The following SEC24A variants were observed in gnomAD, a reference collection of about 807,000 sequenced individuals.
The protein encoded by SEC24A is SEC24 homolog A, COPII component, also known as protein transport protein Sec24A.
A neutral mutation model predicts 129.4 loss-of-function variants in SEC24A; 93 were observed. The observed-to-expected ratio is 0.72, with a 90% confidence interval of 0.61 to 0.85. SEC24A has a LOEUF of 0.85. SEC24A is among the 40% of genes least tolerant of loss of function. The pLI, the probability that SEC24A is intolerant of heterozygous loss-of-function variation, is 0.00. For synonymous variants in SEC24A, 460 were observed against 467.3 expected (o/e 0.98, Z 0.20); for missense variants, 1,264 against 1,307.4 (o/e 0.97, Z 0.51).
intron 12 of SEC24A, 121 bp downstream of exon 12, chr5:134,692,778 AT>A: frequency 1.3e-6 from 1 of 757,052 alleles, no homozygotes; most frequent in Non-Finnish European, 2.3e-6. Flanking sequence ...GTAGCATTTT[AT>A]ATTTGCTCTT....
At position 134,682,228 on chromosome 5, in the gene SEC24A, G is replaced by A. The variant is rs146779091; in HGVS notation, c.1382-145G>A. On this transcript the variant is annotated intron_variant, in intron 8 of 22. Coordinates refer to ENST00000398844, the MANE Select transcript of SEC24A (RefSeq NM_021982.3). ...ACTGCACTCCAGCCTGGGCAACAGA[G>A]TGAAACTCTGTCTCAAAAAAAAAAA... 9.8e-4 allele frequency: 464 copies of A among 472,668 alleles called. 1 individual carries two copies. Among genetic ancestry groups the A allele is most frequent in the African/African-American group, 8.5e-3 (420 of 49,694 alleles). 29.3% of individuals were successfully genotyped at this position (472,668 alleles called of 1,614,324 possible). A position where few individuals can be genotyped will look rare whatever the true frequency, so the allele number is the denominator to read the frequency against.
chr5:134,671,209 C>T (rs1750846594), intron 3 of SEC24A, among the ~76,000 whole-genome samples: 2 of 151,734 alleles, frequency 1.3e-5, no homozygotes, highest in Non-Finnish European at 2.9e-5. Context: ...CAGGCACGCG[C>T]CACCACACCC....
chr5:134,690,566 C>A (rs1468300850), intron 11 of SEC24A, among the ~76,000 whole-genome samples: 1 of 152,244 alleles, frequency 6.6e-6, no homozygotes, highest in Non-Finnish European at 1.5e-5. Flanking sequence ...CCTTTCGCCT[C>A]ATCCTCCCAA....
chr5:134,710,745 C>T (rs991975299), intron 18 of SEC24A, among the ~76,000 whole-genome samples: 1 of 152,118 alleles, frequency 6.6e-6, no homozygotes, highest in Non-Finnish European at 1.5e-5. Flanking sequence ...AGAAGGAAAA[C>T]TCTGGTCTGG....
At chr5:134,691,407 T>C (rs1002468216) in intron 11 of SEC24A, among the ~76,000 whole-genome samples, 3 of 148,452 alleles carry the variant, frequency 2.0e-5, no homozygotes, top group African/African-American at 5.0e-5. Flanking sequence ...GACCTCATGA[T>C]CCACCTGCCT....
At chr5:134,678,322 A>G (rs1014166763) in intron 7 of SEC24A, among the ~76,000 whole-genome samples, 2 of 152,198 alleles carry the variant, frequency 1.3e-5, no homozygotes, top group African/African-American at 4.8e-5. Context: ...TTAATGTAAC[A>G]TCAACAAACT....
At chr5:134,698,740 T>G (rs539091279) in intron 15 of SEC24A, among the ~76,000 whole-genome samples, 5 of 149,740 alleles carry the variant, frequency 3.3e-5, no homozygotes, top group African/African-American at 1.2e-4. Flanking sequence ...CAAGTGATTC[T>G]CCCTGCTTCA....
chr5:134,671,476 A>G (rs4958263), intron 3 of SEC24A, among the ~76,000 whole-genome samples: 114,098 of 152,098 alleles, frequency 0.75, 44,007 homozygotes, highest in Admixed American at 0.84. Context: ...ATATAATTTT[A>G]TAAACTTCAT....
intron 2 of SEC24A, among the ~76,000 whole-genome samples, chr5:134,666,018 G>T (rs549054392): frequency 6.6e-6 from 1 of 152,270 alleles, no homozygotes; most frequent in East Asian, 1.9e-4. Context: ...AGGTACAGTG[G>T]CTCACGCCTG....
At chr5:134,703,054 T>C (rs528557096) in intron 15 of SEC24A, among the ~76,000 whole-genome samples, 23 of 152,174 alleles carry the variant, frequency 1.5e-4, no homozygotes, top group African/African-American at 5.5e-4. Context: ...CATGAGCCAT[T>C]GTGCCTGGCC....
In SEC24A at chr5:134,705,070, T is replaced by TA. The variant is rs1561827960; in HGVS notation, c.2441-257_2441-256insA. On this transcript the variant is annotated intron_variant, in intron 16 of 22. Transcript: ENST00000398844. The stretch of plus-strand genomic sequence containing the variant: ...GAAAAGAAGTTATTTATATTTATAT[T>TA]TATATATATATATATATATATTTTT... 2.2e-3 allele frequency among the ~76,000 whole-genome samples: 296 copies of TA among 133,274 alleles called. 2 individuals are homozygous for TA. The highest frequency in any genetic ancestry group is 6.1e-3 in the Admixed American group (75 of 12,332). The allele number at this position is 133,274 out of a possible 152,430, so 87.4% of individuals were successfully genotyped here. A position where few individuals can be genotyped will look rare whatever the true frequency, so the allele number is the denominator to read the frequency against.
chr5:134,663,708 G>A (rs1176838109), intron 2 of SEC24A, among the ~76,000 whole-genome samples: 1 of 152,082 alleles, frequency 6.6e-6, no homozygotes, highest in African/African-American at 2.4e-5. Flanking sequence ...AAGAGTAGGT[G>A]TAGCTTCTCT....
chr5:134,669,688 A>C (rs928586531), intron 3 of SEC24A, among the ~76,000 whole-genome samples: 1 of 151,070 alleles, frequency 6.6e-6, no homozygotes, highest in Non-Finnish European at 1.5e-5. Context: ...TGTGTTAGCC[A>C]GGATGGTCTC....
chr5:134,712,546 G>A (rs754314995), intron 18 of SEC24A, among the ~76,000 whole-genome samples: 34 of 151,912 alleles, frequency 2.2e-4, no homozygotes, highest in Non-Finnish European at 3.5e-4. Context: ...CACCGTGCCC[G>A]GTCTCTAGTT....
rs1300121743 is a variant in SEC24A at position 134,727,597 on chromosome 5, C to G, written c.*2503C>G. 11 of 152,472 alleles carry G rather than the reference C, an allele frequency of 7.2e-5. No individual in the cohort carries two copies. In the East Asian group the frequency reaches 2.1e-3, roughly 29 times the overall value. 9.4% of individuals were successfully genotyped at this position (152,472 alleles called of 1,614,324 possible). On this transcript the variant is annotated 3_prime_UTR_variant, in exon 23 of 23. Coordinates refer to ENST00000398844, the MANE Select transcript of SEC24A (RefSeq NM_021982.3). ...TCTAGGGGACCACCAAATGTGATTT[C>G]AAAATTTTGTTAACTATTACAAATG...
At chr5:134,690,356 C>T (rs1751599046) in intron 11 of SEC24A, among the ~76,000 whole-genome samples, 1 of 152,122 alleles carries the variant, frequency 6.6e-6, no homozygotes. Context: ...TCTTGTTGCC[C>T]ATGTTGCAGT....
At chr5:134,652,087 A>G (rs1405357158) in intron 1 of SEC24A, among the ~76,000 whole-genome samples, 3 of 151,160 alleles carry the variant, frequency 2.0e-5, no homozygotes, top group Non-Finnish European at 2.9e-5. Context: ...ACACCCGGCT[A>G]ATTTTTGTAT....
At chr5:134,689,641 G>A (rs1751568436) in intron 11 of SEC24A, among the ~76,000 whole-genome samples, 1 of 151,988 alleles carries the variant, frequency 6.6e-6, no homozygotes, top group South Asian at 2.1e-4. Flanking sequence ...CGTACCTGTA[G>A]TCCCAGCTAC....
chr5:134,721,234 G>C, intron 21 of SEC24A, 144 bp downstream of exon 21: 1 of 592,504 alleles, frequency 1.7e-6, no homozygotes, highest in Non-Finnish European at 3.0e-6. Flanking sequence ...TGGATTCTAT[G>C]ACTCCACTCA....
Sources: allele counts gnomAD v4.1 joint callset (sites outside exome capture counted in the v4.1 genomes callset), GRCh38; gene constraint gnomAD v4.1.1; transcripts MANE v1.5; gene names NCBI Gene and HGNC (gene_info 2026-07-23, HGNC 2026-07-21).